Variants in MEMO1 observed in about 807,000 individuals in gnomAD.
MEMO1 encodes mediator of cell motility 1, also known as protein MEMO1.
In MEMO1, 6 loss-of-function variants were observed where a neutral mutation model predicts 45.2. That is an observed-to-expected ratio of 0.13 (90% CI 0.07 to 0.26). The LOEUF (loss-of-function observed/expected upper bound fraction) is 0.26. MEMO1 is among the 10% of genes least tolerant of loss of function. The probability of loss-of-function intolerance (pLI) is 1.00; values close to 1 mark genes in which losing one functional copy is unlikely to be tolerated. For synonymous variants in MEMO1, 78 were observed against 124.3 expected (o/e 0.63, Z 2.48); for missense variants, 184 against 370.5 (o/e 0.50, Z 4.13).
chr2:31,990,570 T>C (rs984403891), intron 2 of MEMO1, among the ~76,000 whole-genome samples: 5 of 146,876 alleles, frequency 3.4e-5, no homozygotes, highest in Admixed American at 2.7e-4. Context: ...AAATTTTTTT[T>C]CTTTTTTTTT....
intron 2 of MEMO1, among the ~76,000 whole-genome samples, chr2:31,972,180 T>A (rs1245490089): frequency 2.0e-5 from 3 of 152,220 alleles, no homozygotes; most frequent in Admixed American, 6.5e-5. Flanking sequence ...GATGGTCTGG[T>A]GGTCTGATGA....
intron 6 of MEMO1, among the ~76,000 whole-genome samples, chr2:31,901,646 C>T (rs772090479): frequency 1.3e-5 from 2 of 152,062 alleles, no homozygotes; most frequent in Admixed American, 6.6e-5. Context: ...GTGGCTCACG[C>T]CTGTAATCTC....
chr2:31,921,028 G>A, intron 4 of MEMO1, 118 bp from the exon 5 acceptor site: 5 of 643,194 alleles, frequency 7.8e-6, no homozygotes, highest in South Asian at 7.6e-5. Flanking sequence ...ATTACCAACT[G>A]TTAATGGCTG....
At chr2:31,989,947 G>A (rs968898734) in intron 2 of MEMO1, among the ~76,000 whole-genome samples, 2 of 152,074 alleles carry the variant, frequency 1.3e-5, no homozygotes, top group Non-Finnish European at 2.9e-5. Flanking sequence ...GTGAAACCCT[G>A]TCTCTACAAA....
chr2:31,869,754 C>T, intron 9 of MEMO1, 94 bp downstream of exon 9: 6 of 1,352,678 alleles, frequency 4.4e-6, no homozygotes, highest in Non-Finnish European at 5.9e-6. Context: ...ACCATAGGTA[C>T]ATAAAACCAA....
chr2:31,922,447 G>A (rs1682460641), intron 4 of MEMO1, among the ~76,000 whole-genome samples: 1 of 151,836 alleles, frequency 6.6e-6, no homozygotes, highest in Non-Finnish European at 1.5e-5. Flanking sequence ...TTCATCCACA[G>A]GCCATTTCTG....
intron 8 of MEMO1, among the ~76,000 whole-genome samples, chr2:31,872,819 T>C (rs549330170): frequency 1.1e-4 from 16 of 152,148 alleles, no homozygotes; most frequent in Admixed American, 1.0e-3. Flanking sequence ...TGCCTCTTTA[T>C]AAGGAAAGAT....
intron 2 of MEMO1, among the ~76,000 whole-genome samples, chr2:31,976,575 C>CA (rs1171422638): frequency 8.0e-4 from 97 of 120,806 alleles, no homozygotes; most frequent in Middle Eastern, 4.4e-3. Flanking sequence ...AAGACTGTCT[C>CA]AAAAAAAAAA....
intron 2 of MEMO1, among the ~76,000 whole-genome samples, chr2:31,959,829 G>A (rs972014909): frequency 6.6e-5 from 10 of 152,114 alleles, no homozygotes; most frequent in African/African-American, 9.7e-5. Flanking sequence ...TTAATGTCAC[G>A]GGAAAGTCAG....
At chr2:31,893,255 A>G in intron 6 of MEMO1, 1 of 1,014,492 alleles carries the variant, frequency 9.9e-7, no homozygotes, top group Non-Finnish European at 1.3e-6. Context: ...GTCAATTGCG[A>G]AATAAACAGA....
At chr2:31,929,757 A>G (rs1683670245) in intron 4 of MEMO1, among the ~76,000 whole-genome samples, 1 of 152,216 alleles carries the variant, frequency 6.6e-6, no homozygotes, top group Admixed American at 6.5e-5. Context: ...ATTAATGTGG[A>G]AGGTAAGAAT....
chr2:32,006,041 T>C (rs953331960), intron 2 of MEMO1, among the ~76,000 whole-genome samples: 7 of 152,168 alleles, frequency 4.6e-5, no homozygotes, highest in African/African-American at 1.7e-4. Flanking sequence ...CAGCATGATG[T>C]ATTTAAAGAA....
At chr2:31,910,740 G>C (rs1423864277) in intron 6 of MEMO1, among the ~76,000 whole-genome samples, 1 of 152,024 alleles carries the variant, frequency 6.6e-6, no homozygotes, top group Non-Finnish European at 1.5e-5. Context: ...CATGTCTGTA[G>C]TCCCAGCTAC....
intron 2 of MEMO1, among the ~76,000 whole-genome samples, chr2:31,989,693 A>G (rs958761725): frequency 2.7e-4 from 41 of 152,260 alleles, no homozygotes; most frequent in Admixed American, 2.4e-3. Context: ...TGACTTTCAT[A>G]GATATATTAA....
chr2:31,977,180 A>G (rs1037720332), intron 2 of MEMO1, among the ~76,000 whole-genome samples: 2 of 152,180 alleles, frequency 1.3e-5, no homozygotes, highest in Non-Finnish European at 2.9e-5. Context: ...GATATGACAA[A>G]TTCAGTTCAT....
intron 8 of MEMO1, among the ~76,000 whole-genome samples, chr2:31,873,455 T>C (rs1463399903): frequency 2.6e-5 from 4 of 152,182 alleles, no homozygotes; most frequent in Non-Finnish European, 4.4e-5. Flanking sequence ...AAATTCCAAG[T>C]GGCAACCCCA....
intron 2 of MEMO1, among the ~76,000 whole-genome samples, chr2:31,948,654 T>C (rs978942362): frequency 6.6e-6 from 1 of 152,170 alleles, no homozygotes; most frequent in African/African-American, 2.4e-5. Flanking sequence ...ATACCAGCAT[T>C]TTGGGAGGCC....
intron 4 of MEMO1, among the ~76,000 whole-genome samples, chr2:31,930,157 G>T (rs1383295065): frequency 6.6e-6 from 1 of 152,164 alleles, no homozygotes; most frequent in African/African-American, 2.4e-5. Context: ...TAGCTACCTG[G>T]GAGGATGAGG....
rs537838697 is a variant in MEMO1 at position 31,994,381 on chromosome 2, G to A, written c.61+15806C>T. Among the ~76,000 whole-genome samples, 7 of 151,746 alleles carry A rather than the reference G, an allele frequency of 4.6e-5. No individual in the cohort carries two copies. The East Asian group carries it at 7.9e-4, about 17-fold the overall frequency. On this transcript the variant is annotated intron_variant, in intron 2 of 9. Transcript: ENST00000404530. ...GTGGTGGCTCACACCTGTAATCCCA[G>A]CACTTTGGAAGACGGAGGTGGGCTG...
Sources: gnomAD v4.1 joint callset for allele counts (sites outside exome capture counted in the v4.1 genomes callset) on GRCh38, gnomAD v4.1.1 for gene constraint, MANE v1.5 for transcripts, NCBI Gene and HGNC (gene_info 2026-07-23, HGNC 2026-07-21) for gene names.